The following CTNNA2 variants were observed in gnomAD, a reference collection of about 807,000 sequenced individuals.
CTNNA2 encodes catenin alpha 2, also known as catenin alpha-2.
In CTNNA2, 42 loss-of-function variants were observed where a neutral mutation model predicts 101.0. The ratio of observed to expected loss-of-function variants is 0.42; its 90% CI spans 0.32 to 0.54. The LOEUF (loss-of-function observed/expected upper bound fraction) is 0.54, where lower values mean the gene tolerates loss of function less well. Ranked by LOEUF, CTNNA2 falls within the 20% of genes least tolerant of loss-of-function variation. The pLI, the probability that CTNNA2 is intolerant of heterozygous loss-of-function variation, is 0.14. For synonymous variants in CTNNA2, 450 were observed against 456.4 expected (o/e 0.99, Z 0.18); for missense variants, 871 against 1,223.1 (o/e 0.71, Z 4.29).
At chr2:79,857,978 G>T (rs767535676) in intron 3 of CTNNA2, 35 bp from the exon 4 acceptor site, 11 of 1,594,768 alleles carry the variant, frequency 6.9e-6, no homozygotes, top group Middle Eastern at 3.7e-4. Flanking sequence ...TAAGCCTCTT[G>T]TCTACCCACC....
At chr2:80,594,800 T>A (rs924102547) in intron 15 of CTNNA2, among the ~76,000 whole-genome samples, 3 of 151,628 alleles carry the variant, frequency 2.0e-5, no homozygotes, top group Non-Finnish European at 2.9e-5. Context: ...TCTTAGTACC[T>A]TTGTGGAAAA....
At chr2:79,203,180 T>G (rs1374962436) in intron 2 of CTNNA2, among the ~76,000 whole-genome samples, 1 of 152,170 alleles carries the variant, frequency 6.6e-6, no homozygotes, top group Non-Finnish European at 1.5e-5. Context: ...GCATGTTTTC[T>G]CCTCTTTGAA....
chr2:79,644,920 G>A (rs1339861841), intron 1 of CTNNA2, among the ~76,000 whole-genome samples: 4 of 152,084 alleles, frequency 2.6e-5, no homozygotes, highest in African/African-American at 7.2e-5. Context: ...AAAGCCGTAC[G>A]CCAGAGTGGT....
At chr2:80,632,498 G>C (rs536138552) in intron 18 of CTNNA2, among the ~76,000 whole-genome samples, 2 of 152,206 alleles carry the variant, frequency 1.3e-5, no homozygotes, top group East Asian at 1.9e-4. Flanking sequence ...AGGGCCCCAA[G>C]CATGTTTCCT....
At chr2:79,383,837 C>T (rs897284918) in intron 4 of CTNNA2, among the ~76,000 whole-genome samples, 1 of 152,172 alleles carries the variant, frequency 6.6e-6, no homozygotes, top group Non-Finnish European at 1.5e-5. Flanking sequence ...AGACTGTCCA[C>T]CTTTCTGGAT....
At chr2:79,517,369 T>C (rs767293622) in intron 1 of CTNNA2, among the ~76,000 whole-genome samples, 40 of 152,302 alleles carry the variant, frequency 2.6e-4, no homozygotes, top group Admixed American at 4.6e-4. Context: ...TTCTCCCAAA[T>C]AGTAAAATGT....
At chr2:80,490,921 T>C (rs1368029579) in intron 9 of CTNNA2, among the ~76,000 whole-genome samples, 2 of 152,182 alleles carry the variant, frequency 1.3e-5, no homozygotes, top group Non-Finnish European at 2.9e-5. Context: ...CCATTAAAGA[T>C]AGAGGAGAAA....
chr2:80,038,653 C>G (rs1341846740), intron 7 of CTNNA2, among the ~76,000 whole-genome samples: 3 of 152,120 alleles, frequency 2.0e-5, no homozygotes, highest in African/African-American at 7.2e-5. Flanking sequence ...CGAGACCAGC[C>G]TGACCAACAT....
intron 7 of CTNNA2, among the ~76,000 whole-genome samples, chr2:80,093,144 A>ATCCC (rs1303431689): frequency 3.3e-5 from 5 of 151,894 alleles, no homozygotes; most frequent in Non-Finnish European, 5.9e-5. Context: ...TCCTAGTGCT[A>ATCCC]TCCCCCCTGC....
chr2:79,304,368 T>C (rs1281378007), intron 2 of CTNNA2, among the ~76,000 whole-genome samples: 1 of 152,206 alleles, frequency 6.6e-6, no homozygotes, highest in Non-Finnish European at 1.5e-5. Flanking sequence ...CAGAACAGTA[T>C]CTTAGTATTC....
intron 1 of CTNNA2, among the ~76,000 whole-genome samples, chr2:79,550,463 G>T (rs560000616): frequency 9.5e-4 from 144 of 152,258 alleles, no homozygotes; most frequent in Middle Eastern, 3.4e-3. Context: ...GTATTGAAAG[G>T]AGGATGTAGG....
chr2:79,809,984 A>C (rs1288976718), intron 3 of CTNNA2, among the ~76,000 whole-genome samples: 1 of 152,206 alleles, frequency 6.6e-6, no homozygotes, highest in Non-Finnish European at 1.5e-5. Flanking sequence ...CAAATAGTAA[A>C]ACCATCGACA....
At chr2:80,246,874 C>G (rs1246608369) in intron 7 of CTNNA2, among the ~76,000 whole-genome samples, 1 of 152,216 alleles carries the variant, frequency 6.6e-6, no homozygotes, top group Non-Finnish European at 1.5e-5. Flanking sequence ...CCCTGAGACA[C>G]TAGATTGTCT....
At chr2:79,522,510 G>T (rs543101399) in intron 1 of CTNNA2, among the ~76,000 whole-genome samples, 2 of 152,170 alleles carry the variant, frequency 1.3e-5, no homozygotes, top group Admixed American at 6.5e-5. Flanking sequence ...CCACAGTGGC[G>T]TGGGGCAAAA....
At chr2:80,306,952 A>T (rs35911737) in intron 7 of CTNNA2, among the ~76,000 whole-genome samples, 3 of 151,990 alleles carry the variant, frequency 2.0e-5, no homozygotes, top group African/African-American at 7.2e-5. Context: ...AAAGGGAATA[A>T]AATTAAATTC....
intron 7 of CTNNA2, among the ~76,000 whole-genome samples, chr2:80,383,773 GA>G (rs371481671): frequency 0.045 from 6,520 of 145,838 alleles, 367 homozygotes; most frequent in African/African-American, 0.13. Flanking sequence ...ACAGGCCCAA[GA>G]AAAAAAAAAA....
At chr2:80,586,730 T>C (rs1034930374) in intron 14 of CTNNA2, among the ~76,000 whole-genome samples, 1 of 152,194 alleles carries the variant, frequency 6.6e-6, no homozygotes, top group East Asian at 1.9e-4. Flanking sequence ...ATTTTAGATA[T>C]CTTAATAGTA....
At chr2:79,964,215 C>G (rs890829339) in intron 7 of CTNNA2, among the ~76,000 whole-genome samples, 2 of 152,170 alleles carry the variant, frequency 1.3e-5, no homozygotes, top group Non-Finnish European at 2.9e-5. Context: ...AGAGGAAATT[C>G]ACATGTCCTG....
At chr2:79,847,316 G>A (rs531967250) in intron 3 of CTNNA2, among the ~76,000 whole-genome samples, 6 of 152,026 alleles carry the variant, frequency 3.9e-5, no homozygotes, top group East Asian at 1.9e-4. Flanking sequence ...AGGCTGAGGC[G>A]AGTGGATCAC....
Sources: allele counts gnomAD v4.1 joint callset (sites outside exome capture counted in the v4.1 genomes callset), GRCh38; gene constraint gnomAD v4.1.1; transcripts MANE v1.5; gene names NCBI Gene and HGNC (gene_info 2026-07-23, HGNC 2026-07-21).